Variants in GALNT13 observed in about 807,000 individuals in gnomAD.
GALNT13 encodes polypeptide N-acetylgalactosaminyltransferase 13, also known as UDP-GalNAc:polypeptide N-acetylgalactosaminyltransferase 13.
GALNT13 carries 28 observed loss-of-function variants against 64.2 expected under a neutral mutation model. The ratio of observed to expected loss-of-function variants is 0.44; its 90% CI spans 0.32 to 0.60. The LOEUF (loss-of-function observed/expected upper bound fraction) is 0.60, where lower values mean the gene tolerates loss of function less well. Among genes scored for constraint, GALNT13 ranks in the 20% least tolerant of loss-of-function variants. GALNT13 has a pLI of 0.05. For synonymous variants in GALNT13, 214 were observed against 224.6 expected, an observed-to-expected ratio of 0.95 and a Z score of 0.42; for missense variants, 577 against 669.8, an observed-to-expected ratio of 0.86 and a Z score of 1.53.
the GALNT13 span, among the ~76,000 whole-genome samples, chr2:153,241,993 C>T: frequency 7.8e-4 from 118 of 152,116 alleles, no homozygotes; most frequent in Admixed American, 2.0e-3. Context: ...AAGAGCTTAA[C>T]CTTGTGACCA....
chr2:153,194,357 T>C, the GALNT13 span, among the ~76,000 whole-genome samples: 2 of 152,192 alleles, frequency 1.3e-5, no homozygotes, highest in Non-Finnish European at 2.9e-5. Flanking sequence ...AAAAACTTTC[T>C]GCTGCTTTAT....
the GALNT13 span, among the ~76,000 whole-genome samples, chr2:153,378,923 C>T: frequency 9.9e-5 from 15 of 152,064 alleles, no homozygotes; most frequent in South Asian, 2.1e-4. Context: ...GTTTCTATTT[C>T]ATCTTTCAGA....
At position 154,396,133 on chromosome 2, in the gene GALNT13, A is replaced by G; in HGVS notation, c.1296+3A>G. The stretch of plus-strand genomic sequence containing the variant: ...GACGTTATTACTCACTTGGTGAGGT[A>G]TGAATTATTTATTTTGGTTAAGTTA... On this transcript the variant is annotated splice_donor_region_variant and intron_variant, in intron 10 of 12. Coordinates refer to ENST00000392825, the MANE Select transcript of GALNT13 (RefSeq NM_052917.4). 1.3e-6 allele frequency: 2 copies of G among 1,578,226 alleles called. No homozygotes were observed. The highest frequency in any genetic ancestry group is 1.2e-5 in the South Asian group (1 of 84,362).
At chr2:154,010,859 T>C (rs1558905971) in intron 3 of GALNT13, among the ~76,000 whole-genome samples, 1 of 152,090 alleles carries the variant, frequency 6.6e-6, no homozygotes. Context: ...TTATATCTTT[T>C]TTAGTTTGCA....
At chr2:154,309,986 C>T (rs1040963387) in intron 9 of GALNT13, among the ~76,000 whole-genome samples, 1 of 152,220 alleles carries the variant, frequency 6.6e-6, no homozygotes, top group East Asian at 1.9e-4. Context: ...ATTCCACATA[C>T]CTGCCACGTG....
chr2:153,499,581 C>G, the GALNT13 span, among the ~76,000 whole-genome samples: 1 of 152,186 alleles, frequency 6.6e-6, no homozygotes, highest in Admixed American at 6.5e-5. Flanking sequence ...GCTTTTCATG[C>G]CGAGGAATGC....
At chr2:154,299,390 A>G (rs562718765) in intron 8 of GALNT13, among the ~76,000 whole-genome samples, 1 of 151,996 alleles carries the variant, frequency 6.6e-6, no homozygotes, top group East Asian at 1.9e-4. Flanking sequence ...AATGTGCGTA[A>G]TCACAAGAAG....
chr2:153,225,374 A>C, the GALNT13 span, among the ~76,000 whole-genome samples: 1 of 152,252 alleles, frequency 6.6e-6, no homozygotes, highest in African/African-American at 2.4e-5. Context: ...AAATGCCTAC[A>C]GATAATATCG....
chr2:153,497,522 A>ATTTTTTTTTTTTTTT, the GALNT13 span, among the ~76,000 whole-genome samples: 26 of 36,898 alleles, frequency 7.0e-4, 9 homozygotes, highest in African/African-American at 1.1e-3. Flanking sequence ...TTTCTCCCGC[A>ATTTTTTTTTTTTTTT]TTTTTTTTTT....
At chr2:153,595,399 A>C in the GALNT13 span, among the ~76,000 whole-genome samples, 1 of 151,878 alleles carries the variant, frequency 6.6e-6, no homozygotes, top group African/African-American at 2.4e-5. Context: ...GATATCTATT[A>C]AAATAAAAAG....
At chr2:153,402,356 T>G in the GALNT13 span, among the ~76,000 whole-genome samples, 11 of 150,812 alleles carry the variant, frequency 7.3e-5, no homozygotes, top group Middle Eastern at 3.5e-3. Context: ...TGGCTGCCCT[T>G]AACATTTTTT....
At chr2:153,561,331 C>A in the GALNT13 span, among the ~76,000 whole-genome samples, 1 of 151,888 alleles carries the variant, frequency 6.6e-6, no homozygotes, top group Non-Finnish European at 1.5e-5. Context: ...TTTCAGATTT[C>A]ATTTTTTTCT....
intron 3 of GALNT13, among the ~76,000 whole-genome samples, chr2:154,118,370 G>A (rs1019351347): frequency 7.4e-5 from 11 of 148,316 alleles, no homozygotes; most frequent in African/African-American, 2.5e-4. Context: ...TCACTTGTGT[G>A]GAATATCTTT....
the GALNT13 span, among the ~76,000 whole-genome samples, chr2:153,246,824 A>G: frequency 1.6e-3 from 250 of 152,336 alleles, 7 homozygotes; most frequent in East Asian, 0.043. Context: ...AAATGGGCTA[A>G]ATACCTCAAT....
the GALNT13 span, among the ~76,000 whole-genome samples, chr2:153,810,614 G>A: frequency 6.6e-6 from 1 of 152,114 alleles, no homozygotes; most frequent in East Asian, 1.9e-4. Flanking sequence ...AGAATAAAGA[G>A]ATAAAGGAGC....
chr2:153,291,744 G>GA, the GALNT13 span, among the ~76,000 whole-genome samples: 117,618 of 134,874 alleles, frequency 0.87, 52,480 homozygotes, highest in Non-Finnish European at 0.97. Flanking sequence ...TGTTCAAAAG[G>GA]AAAAAAAAAA....
At chr2:153,575,200 G>A in the GALNT13 span, among the ~76,000 whole-genome samples, 2 of 152,108 alleles carry the variant, frequency 1.3e-5, no homozygotes, top group Non-Finnish European at 2.9e-5. Context: ...CTCTTTCTGT[G>A]CTTTCTGCCA....
the GALNT13 span, among the ~76,000 whole-genome samples, chr2:153,800,345 T>C: frequency 6.6e-6 from 1 of 152,160 alleles, no homozygotes; most frequent in African/African-American, 2.4e-5. Context: ...CAGTTAGTTG[T>C]AATCACATTG....
At chr2:154,220,535 T>C (rs1252364077) in intron 4 of GALNT13, among the ~76,000 whole-genome samples, 1 of 152,078 alleles carries the variant, frequency 6.6e-6, no homozygotes, top group Non-Finnish European at 1.5e-5. Flanking sequence ...TAAAAATACA[T>C]GTGCACATAT....
Sources: allele counts gnomAD v4.1 joint callset (sites outside exome capture counted in the v4.1 genomes callset), GRCh38; gene constraint gnomAD v4.1.1; transcripts MANE v1.5; gene names NCBI Gene and HGNC (gene_info 2026-07-23, HGNC 2026-07-21).